RANBP1: variants seen among roughly 807,000 people sequenced by gnomAD.
The protein encoded by RANBP1 is RAN binding protein 1.
A neutral mutation model predicts 31.4 loss-of-function variants in RANBP1; 16 were observed. The observed-to-expected ratio is 0.51, with a 90% CI of 0.34 to 0.77. The LOEUF is 0.77. Ranked by LOEUF, RANBP1 falls within the 30% of genes least tolerant of loss-of-function variation. The probability of loss-of-function intolerance (pLI) is 0.01; values close to 1 mark genes in which losing one functional copy is unlikely to be tolerated. For missense variants in RANBP1, 265 were observed against 362.0 expected (o/e 0.73, Z 2.17); for synonymous variants, 129 against 140.5 (o/e 0.92, Z 0.58).
At chr22:20,117,076 C>CGCCTGGGGCGA in intron 1 of RANBP1, 1 of 882,638 alleles carries the variant, frequency 1.1e-6, no homozygotes, top group Non-Finnish European at 1.7e-6. Context: ...GGCTTCGCCC[C>CGCCTGGGGCGA]AGGCGGGGCG....
Position 20,118,108 on chromosome 22 carries a change from C to T in RANBP1, c.247-905C>T, listed in dbSNP as rs2050086623. On this transcript the variant is annotated intron_variant, in intron 1 of 5. Transcript: ENST00000430524. ...CCGCCACTGGCCTCTGTGGCAGAAG[C>T]TCGCGTTCCAGCGTGGGGCACAGGT... 6.0e-6 allele frequency: 6 copies of T among 1,000,258 alleles called. No homozygotes were observed. The South Asian group carries it at 2.3e-4, about 39-fold the overall frequency. The allele number at this position is 1,000,258 out of a possible 1,614,324, so 62.0% of individuals were successfully genotyped here.
At chr22:20,122,131 G>A in intron 2 of RANBP1, 133 bp from the exon 3 acceptor site, 2 of 948,374 alleles carry the variant, frequency 2.1e-6, no homozygotes, top group Non-Finnish European at 3.1e-6. Flanking sequence ...GGCAGTTCTT[G>A]GAGCCTGAAG....
intron 3 of RANBP1, 153 bp from the exon 4 acceptor site, chr22:20,125,155 C>CT (rs1241841508): frequency 2.5e-5 from 20 of 788,508 alleles, no homozygotes; most frequent in Middle Eastern, 7.3e-4. Flanking sequence ...CGCCGTGGTA[C>CT]TTTGTCTAAG....
chr22:20,118,177 T>C (rs1319799316), intron 1 of RANBP1: 1 of 1,001,812 alleles, frequency 1.0e-6, no homozygotes, highest in Non-Finnish European at 1.2e-6. Context: ...GGCTGCGGTG[T>C]CTGGTTGAGT....
rs541553781 is a variant in RANBP1, at chr22:20,117,851, G to T, written c.247-1162G>T. 1.6e-5 allele frequency: 16 copies of T among 1,020,228 alleles called. No homozygotes were observed. In the African/African-American group the frequency reaches 2.8e-4, roughly 18 times the overall value. The allele number at this position is 1,020,228 out of a possible 1,614,324, so 63.2% of individuals were successfully genotyped here. A position where few individuals can be genotyped will look rare whatever the true frequency, so the allele number is the denominator to read the frequency against. On this transcript the variant is annotated intron_variant, in intron 1 of 5. Coordinates refer to ENST00000430524, the MANE Select transcript of RANBP1 (RefSeq NM_001278639.2). ...GGGGCTCGAGGCCTGCGGAGTTGGG[G>T]CGTTTGGGGGTGCAGGCTCTGCAGA... is the stretch of plus-strand genomic sequence containing the variant.
intron 1 of RANBP1, chr22:20,118,246 T>C (rs977558884): frequency 1.0e-5 from 10 of 1,002,398 alleles, no homozygotes; most frequent in Non-Finnish European, 1.2e-5. Context: ...GAAAAGCTTA[T>C]GTTTTCTTTT....
chr22:20,125,152 G>C, intron 3 of RANBP1, 156 bp from the exon 4 acceptor site: 1 of 753,700 alleles, frequency 1.3e-6, no homozygotes, highest in Non-Finnish European at 2.2e-6. Context: ...AGGCGCCGTG[G>C]TACTTTGTCT....
In RANBP1 at chr22:20,116,434, A is replaced by C; in HGVS notation, c.246+4A>C. 6.2e-7 allele frequency: 1 copy of C among 1,612,678 alleles called. No individual in the cohort carries two copies. The highest frequency in any genetic ancestry group is 8.5e-7 in the Non-Finnish European group (1 of 1,179,772). On this transcript the variant is annotated splice_donor_region_variant and intron_variant, in intron 1 of 5. Coordinates refer to ENST00000430524, the MANE Select transcript of RANBP1 (RefSeq NM_001278639.2). ...CTCCAGTTTAAAGATCTCAGAGGTA[A>C]ACAAGTCATCCCTGATGTAGCTGTA...
In RANBP1 at chr22:20,122,370, C is replaced by A. The variant is rs375393752; in HGVS notation, c.490C>A (p.Arg164Ser). Residue 164 changes from arginine (R) to serine (S), a missense_variant, in exon 3 of 6, where the codon CGC becomes AGC. Physicochemically the swap from Arg to Ser is moderately radical, Grantham distance 110 (BLOSUM62 -1). Coordinates refer to ENST00000430524, the MANE Select transcript of RANBP1 (RefSeq NM_001278639.2). ...LLKHKEKGAI[R>S]LLMRRDKTLK... is the part of the protein sequence containing the mutation. ...GAAGCACAAGGAGAAAGGGGCCATC[C>A]GCCTCCTCATGCGGAGGGACAAGAC... 3 of 1,612,906 alleles carry A rather than the reference C, an allele frequency of 1.9e-6. No homozygotes were observed. The highest frequency in any genetic ancestry group is 2.5e-6 in the Non-Finnish European group (3 of 1,179,962).
chr22:20,125,009 TGA>T (rs775727577), intron 3 of RANBP1: 1 of 373,720 alleles, frequency 2.7e-6, no homozygotes, highest in Non-Finnish European at 4.9e-6. Flanking sequence ...GTGTGCCAAG[TGA>T]TCTTGAACAC....
At chr22:20,116,827 AC>A (rs1352648314) in intron 1 of RANBP1, 4 of 1,018,010 alleles carry the variant, frequency 3.9e-6, no homozygotes, top group Non-Finnish European at 5.2e-6. Flanking sequence ...TTCCTGACCC[AC>A]CCCGCCTCCT....
At chr22:20,117,590 GA>G in intron 1 of RANBP1, 1 of 1,403,534 alleles carries the variant, frequency 7.1e-7, no homozygotes, top group Non-Finnish European at 9.3e-7. Flanking sequence ...AGTAGCCGCC[GA>G]GAGGCCGCGG....
rs764266377 is a variant in RANBP1, at chr22:20,126,557, T to G, written c.736+189T>G. ...CTGGGGAGCCCTGAGCACTTGTCAG[T>G]GTTGCTGGCCTCAGTCCAATTGGGC... On this transcript the variant is annotated intron_variant, in intron 5 of 5. Coordinates refer to ENST00000430524, the MANE Select transcript of RANBP1 (RefSeq NM_001278639.2). 3.3e-5 allele frequency: 51 copies of G among 1,560,988 alleles called. No individual in the cohort carries two copies. In the Admixed American group the frequency reaches 9.2e-4, roughly 28 times the overall value.
chr22:20,125,113 G>A, intron 3 of RANBP1, 195 bp from the exon 4 acceptor site: 1 of 614,544 alleles, frequency 1.6e-6, no homozygotes, highest in South Asian at 2.0e-5. Flanking sequence ...TGAATATGGA[G>A]GATTTTCAAA....
chr22:20,120,115 C>T (rs1276665154), intron 2 of RANBP1, among the ~76,000 whole-genome samples: 1 of 152,190 alleles, frequency 6.6e-6, no homozygotes, highest in African/African-American at 2.4e-5. Context: ...CTTGAAGTTG[C>T]TTTAAGAGTC....
At chr22:20,118,301 C>T (rs1161761613) in intron 1 of RANBP1, 2 of 1,002,292 alleles carry the variant, frequency 2.0e-6, no homozygotes, top group African/African-American at 3.5e-5. Flanking sequence ...TTACGGACTT[C>T]TGGGTGACCA....
At chr22:20,123,696 C>T (rs1341160912) in intron 3 of RANBP1, among the ~76,000 whole-genome samples, 3 of 152,000 alleles carry the variant, frequency 2.0e-5, no homozygotes, top group African/African-American at 2.4e-5. Flanking sequence ...TGGGCAGGTT[C>T]AGCCAAGAGC....
At chr22:20,123,416 TGGGGTGTGTGGTGTTGGGG>T (rs200793138) in intron 3 of RANBP1, among the ~76,000 whole-genome samples, 6,753 of 47,508 alleles carry the variant, frequency 0.14, 754 homozygotes, top group South Asian at 0.21. Flanking sequence ...CTGGGGGTGT[TGGGGTGTGTGGTGTTGGGG>T]GGGGTGTGTG....
chr22:20,126,694 T>C, intron 5 of RANBP1: 1 of 1,499,990 alleles, frequency 6.7e-7, no homozygotes, highest in Non-Finnish European at 9.0e-7. Context: ...GGACTGCAGC[T>C]GTGGTGGCAA....
Sources: gnomAD v4.1 joint callset for allele counts (sites outside exome capture counted in the v4.1 genomes callset) on GRCh38, gnomAD v4.1.1 for gene constraint, MANE v1.5 for transcripts, NCBI Gene and HGNC (gene_info 2026-07-23, HGNC 2026-07-21) for gene names.